Variants in IKBKE observed in about 807,000 individuals in gnomAD.
IKBKE encodes inhibitor of nuclear factor kappa B kinase subunit epsilon.
A neutral mutation model predicts 92.1 loss-of-function variants in IKBKE; 45 were observed. The observed-to-expected ratio is 0.49, with a 90% CI of 0.38 to 0.63. The LOEUF (loss-of-function observed/expected upper bound fraction) is 0.63, where lower values mean the gene tolerates loss of function less well. Among genes scored for constraint, IKBKE ranks in the 20% least tolerant of loss-of-function variants. The pLI is 0.00. For missense variants in IKBKE, 700 were observed against 932.8 expected, an observed-to-expected ratio of 0.75 and a Z score of 3.25; for synonymous variants, 374 against 380.3, an observed-to-expected ratio of 0.98 and a Z score of 0.19.
chr1:206,484,594 C>A (rs1665561268), intron 13 of IKBKE, among the ~76,000 whole-genome samples: 1 of 152,190 alleles, frequency 6.6e-6, no homozygotes, highest in African/African-American at 2.4e-5. Flanking sequence ...TAGTAGTCTA[C>A]AAAATATAGC....
chr1:206,479,203 C>T, intron 10 of IKBKE, 70 bp downstream of exon 10: 1 of 1,283,690 alleles, frequency 7.8e-7, no homozygotes, highest in Non-Finnish European at 1.1e-6. Flanking sequence ...GTTTGCAATC[C>T]AGGCCATTGG....
At chr1:206,493,464 T>C in intron 20 of IKBKE, 86 bp downstream of exon 20, 2 of 1,019,874 alleles carry the variant, frequency 2.0e-6, no homozygotes, top group Non-Finnish European at 3.0e-6. Context: ...GCCTGAGGGG[T>C]TTGGCGTCAT....
intron 2 of IKBKE, 151 bp from the exon 3 acceptor site, chr1:206,473,045 G>C: frequency 1.6e-6 from 1 of 639,898 alleles, no homozygotes; most frequent in South Asian, 1.8e-5. Context: ...TAACCTTTCT[G>C]TGCTTCACAC....
Position 206,476,893 on chromosome 1 carries a change from C to A in IKBKE, c.701+55C>A, listed in dbSNP as rs2103456498. ...GCGGACTGGCAGTCCCCTGGCCCTT[C>A]CCCCACCGGTCCTTGCTGTGTCTTC... On this transcript the variant is annotated intron_variant, in intron 7 of 21. Transcript: ENST00000581977. This position sits in a 1 kb window ranked among gnomAD's most constrained non-coding sequence, Gnocchi z 5.1. The A allele has an allele frequency of 6.3e-7, 1 of 1,590,130 alleles. No homozygotes were observed. The highest frequency in any genetic ancestry group is 1.7e-5 in the Admixed American group (1 of 59,664).
chr1:206,480,095 G>T lies in IKBKE; in HGVS notation c.1322G>T (p.Arg441Leu). Residue 441 changes from arginine to leucine, a missense_variant, in exon 12 of 22, where the codon CGG becomes CTG. Coordinates refer to ENST00000581977, the MANE Select transcript of IKBKE (RefSeq NM_014002.4). ...CTGGATGGGCAGGAGCTAATGTTTC[G>T]GGGGCTGCACTGGGTCATGTGAGTA... ...ALLDGQELMF[R>L]GLHWVMEVLQ... is the part of the protein sequence containing the mutation. 1.3e-6 allele frequency: 2 copies of T among 1,587,836 alleles called. No individual in the cohort carries two copies. The highest frequency in any genetic ancestry group is 2.3e-5 in the East Asian group (1 of 44,024).
intron 16 of IKBKE, among the ~76,000 whole-genome samples, chr1:206,489,720 A>C (rs1435062775): frequency 6.6e-6 from 1 of 152,050 alleles, no homozygotes; most frequent in African/African-American, 2.4e-5. Context: ...AAACAACAAC[A>C]ATAACAAAAC....
At chr1:206,473,109 C>G (rs1664865996) in intron 2 of IKBKE, 87 bp from the exon 3 acceptor site, 1 of 755,170 alleles carries the variant, frequency 1.3e-6, no homozygotes, top group Non-Finnish European at 2.3e-6. Flanking sequence ...CTTAGGGTAG[C>G]CTTGGGGCAC....
At chr1:206,488,520 C>T (rs1665781044) in intron 16 of IKBKE, among the ~76,000 whole-genome samples, 1 of 151,920 alleles carries the variant, frequency 6.6e-6, no homozygotes, top group Admixed American at 6.5e-5. Context: ...TTTACAGGCT[C>T]GGGGGTGGGA....
chr1:206,480,184 G>A, intron 12 of IKBKE, 71 bp downstream of exon 12: 1 of 582,000 alleles, frequency 1.7e-6, no homozygotes, highest in Admixed American at 4.0e-5. Context: ...GAGGGGGAGT[G>A]GGCAGGAAGG....
Position 206,477,183 on chromosome 1 carries a change from C to CAGGTCCA in IKBKE, c.701+351_701+357dup, listed in dbSNP as rs1163510487. On this transcript the variant is annotated intron_variant, in intron 7 of 21. Transcript: ENST00000581977. ...GGCAAAGGTGGCAGCTTCCTGTTCC[C>CAGGTCCA]AGGTCCAAGGTCTTTCCATGGTTTT... 2.0e-5 allele frequency among the ~76,000 whole-genome samples: 3 copies of CAGGTCCA among 152,102 alleles called. No homozygotes were observed. In the East Asian group the frequency reaches 5.8e-4, roughly 29 times the overall value.
intron 21 of IKBKE, among the ~76,000 whole-genome samples, chr1:206,495,263 G>A (rs564100231): frequency 2.6e-5 from 4 of 152,290 alleles, no homozygotes; most frequent in South Asian, 2.1e-4. Flanking sequence ...TACCAACTGC[G>A]TGACCCTGGG....
chr1:206,476,732 G>A lies in IKBKE; in HGVS notation c.595G>A (p.Gly199Arg), dbSNP rs1451035448. 7 of 1,614,218 alleles carry A rather than the reference G, an allele frequency of 4.3e-6. No individual in the cohort carries two copies. Among genetic ancestry groups the A allele is most frequent in the Non-Finnish European group, 5.9e-6 (7 of 1,180,036 alleles). Residue 199 changes from glycine (G) to arginine (R), a missense_variant, in exon 7 of 22, where the codon GGG (glycine) becomes AGG (arginine). Transcript: ENST00000581977. The surrounding 1 kb of genome is among the most constrained non-coding windows in gnomAD (Gnocchi z 5.1). ...VLRKPQQKAF[G>R]VTVDLWSIGV... The stretch of plus-strand genomic sequence containing the variant: ...TCGAAAGCCCCAGCAAAAAGCGTTC[G>A]GGGTGACTGTGGATCTCTGGAGCAT...
rs1305197911 is a variant in IKBKE at position 206,474,862 on chromosome 1, T to C, written c.229-3T>C. 4 of 1,613,674 alleles carry C rather than the reference T, an allele frequency of 2.5e-6. No individual in the cohort carries two copies. In the East Asian group the frequency reaches 6.7e-5, roughly 27 times the overall value. ...CATGAGCCCCTCTCTGTCCCACCCATAGGGCGGAAGCCGGCAGAAGGTACT... is the reference window on the plus strand; with the variant it reads ...CATGAGCCCCTCTCTGTCCCACCCACAGGGCGGAAGCCGGCAGAAGGTACT... On this transcript the variant is annotated splice_polypyrimidine_tract_variant and splice_region_variant and intron_variant, in intron 4 of 21. Transcript: ENST00000581977.
intron 5 of IKBKE, among the ~76,000 whole-genome samples, chr1:206,475,399 G>A (rs970861627): frequency 4.6e-5 from 7 of 152,194 alleles, no homozygotes; most frequent in African/African-American, 1.7e-4. Context: ...GTGGCTGGGG[G>A]CAGAGGAGAA....
chr1:206,490,793 A>G lies in IKBKE; in HGVS notation c.1694-26A>G, dbSNP rs782646390. On this transcript the variant is annotated intron_variant, in intron 16 of 21. Coordinates refer to ENST00000581977, the MANE Select transcript of IKBKE (RefSeq NM_014002.4). The surrounding 1 kb of genome is among the most constrained non-coding windows in gnomAD (Gnocchi z 5.2). ...GTTTCGTTGACTGATTGAATAGGTG[A>G]CATCTGTTCTGTCTGTTTCCTCCAG... 3.7e-6 allele frequency: 6 copies of G among 1,612,564 alleles called. No homozygotes were observed. In the Admixed American group the frequency reaches 6.7e-5, roughly 18 times the overall value.
At chr1:206,489,077 T>A (rs1324347151) in intron 16 of IKBKE, among the ~76,000 whole-genome samples, 1 of 151,764 alleles carries the variant, frequency 6.6e-6, no homozygotes, top group Non-Finnish European at 1.5e-5. Flanking sequence ...AGGGCCTTTG[T>A]CACCCAGGCA....
At chr1:206,479,994 C>A in intron 11 of IKBKE, 28 bp from the exon 12 acceptor site, 1 of 1,611,880 alleles carries the variant, frequency 6.2e-7, no homozygotes, top group South Asian at 1.1e-5. Flanking sequence ...AGGTGTGGGA[C>A]CTGGCCCTGT....
intron 20 of IKBKE, 29 bp downstream of exon 20, chr1:206,493,407 A>G: frequency 6.6e-7 from 1 of 1,521,162 alleles, no homozygotes; most frequent in South Asian, 1.1e-5. Flanking sequence ...GCGGTTGTGT[A>G]TCTGTGTGGA....
chr1:206,489,387 A>ATGTGTG (rs1181090685), intron 16 of IKBKE, among the ~76,000 whole-genome samples: 4 of 143,212 alleles, frequency 2.8e-5, no homozygotes, highest in African/African-American at 1.1e-4. Context: ...ATATATATAT[A>ATGTGTG]TATATATATA....
Sources: allele counts gnomAD v4.1 joint callset (sites outside exome capture counted in the v4.1 genomes callset), GRCh38; gene constraint gnomAD v4.1.1; non-coding constraint Gnocchi (gnomAD v3.1); transcripts MANE v1.5; gene names NCBI Gene and HGNC (gene_info 2026-07-23, HGNC 2026-07-21).